The following GMPR2 variants were observed in gnomAD, a reference collection of about 807,000 sequenced individuals.
GMPR2 encodes guanosine monophosphate reductase 2.
Under a neutral mutation model 38.5 loss-of-function variants are expected in GMPR2, and 32 were observed. The observed-to-expected ratio is 0.83, with a 90% CI of 0.63 to 1.12. GMPR2 has a LOEUF of 1.12. Ranked by LOEUF, GMPR2 falls within the 50% of genes most tolerant of loss-of-function variation. The probability of loss-of-function intolerance (pLI) is 0.00; values close to 1 mark genes in which losing one functional copy is unlikely to be tolerated. For synonymous variants in GMPR2, 154 were observed against 151.0 expected, an observed-to-expected ratio of 1.02 and a Z score of -0.15; for missense variants, 396 against 432.1, an observed-to-expected ratio of 0.92 and a Z score of 0.74.
At chr14:24,235,713 G>A (rs1178739741) in intron 3 of GMPR2, 24 bp from the exon 4 acceptor site, 1 of 1,520,244 alleles carries the variant, frequency 6.6e-7, no homozygotes. Context: ...TCTCCCTTTT[G>A]ATGCTTCTTT....
In GMPR2 at chr14:24,237,282, G is replaced by C. The variant is rs756023713; in HGVS notation, c.585G>C (p.Gly195=). 3.1e-6 allele frequency: 5 copies of C among 1,611,962 alleles called. No individual in the cohort carries two copies. The highest frequency in any genetic ancestry group is 4.2e-6 in the Non-Finnish European group (5 of 1,178,040). ...CTACTCGGAAGAAAACTGGAGTGGG[G>C]TATCCACAGCTCAGCGCAGTGATGG... ...VCTTRKKTGV[G]YPQLSAVMEC... Residue 195 remains glycine (G), a synonymous_variant, in exon 7 of 10, where the codon GGG becomes GGC. Transcript: ENST00000399440.
rs941973806 is a variant in GMPR2 at position 24,233,234 on chromosome 14, C to G, written c.-20C>G. On this transcript the variant is annotated 5_prime_UTR_variant, in exon 2 of 10. Coordinates refer to ENST00000399440, the MANE Select transcript of GMPR2 (RefSeq NM_001002002.3). The stretch of plus-strand genomic sequence containing the variant: ...TGCCTTCCAGCCCTCAGATTCATCG[C>G]TACCCCGAGGCTAAGCGCCATGCCT... The G allele has an allele frequency of 1.9e-6, 3 of 1,613,932 alleles. No homozygotes were observed. The highest frequency in any genetic ancestry group is 1.7e-5 in the Admixed American group (1 of 60,024).
chr14:24,233,074 C>T (rs958305328), intron 1 of GMPR2, 97 bp downstream of exon 1: 72 of 978,928 alleles, frequency 7.4e-5, no homozygotes, highest in Non-Finnish European at 7.6e-5. Context: ...ATCGCAGCCA[C>T]GGGATGGGTC....
chr14:24,234,337 T>A, intron 3 of GMPR2: 1 of 732,746 alleles, frequency 1.4e-6, no homozygotes, highest in Non-Finnish European at 1.9e-6. Flanking sequence ...TGTGGCTCCA[T>A]TAGTCTTAAG....
In GMPR2 at chr14:24,237,133, C is replaced by T; in HGVS notation, c.528C>T (p.Ile176=). 1.2e-6 allele frequency: 2 copies of T among 1,611,022 alleles called. No homozygotes were observed. The highest frequency in any genetic ancestry group is 1.7e-6 in the Non-Finnish European group (2 of 1,177,096). ...TCATCCTTTCTGGGGCTGACATCAT[C>T]AAAGTGGGAATTGGGCCAGGTAAGC... is the stretch of plus-strand genomic sequence containing the variant. The part of the protein sequence containing the change: ...EELILSGADI[I]KVGIGPGSVC... The change falls in exon 6 of 10, where the codon ATC becomes ATT. Residue 176 remains isoleucine, a synonymous_variant. Coordinates refer to ENST00000399440, the MANE Select transcript of GMPR2 (RefSeq NM_001002002.3).
Position 24,237,352 on chromosome 14 carries a change from G to A in GMPR2, c.654+1G>A. The A allele has an allele frequency of 1.3e-6, 2 of 1,588,388 alleles. No homozygotes were observed. Among genetic ancestry groups the A allele is most frequent in the Non-Finnish European group, 1.7e-6 (2 of 1,156,620 alleles). ...TGGCCTCAAAGGCCACATCATTTCA[G>A]TAAGGCTCAAGGGCAGGGTAGGGTA... On this transcript the variant is annotated splice_donor_variant, in intron 7 of 9. Coordinates refer to ENST00000399440, the MANE Select transcript of GMPR2 (RefSeq NM_001002002.3). LOFTEE classifies it high-confidence loss of function.
chr14:24,238,266 A>C lies in GMPR2; in HGVS notation c.718A>C (p.Met240Leu), dbSNP rs746074092. ...GGCAGGGGCAGGAGCTGACTTCGTG[A>C]TGCTGGGTGGCATGCTGGCTGGGCA... ...KAFGAGADFV[M>L]LGGMLAGHSE... The change falls in exon 9 of 10, where the codon ATG becomes CTG. Residue 240 changes from methionine to leucine, a missense_variant. Transcript: ENST00000399440. The C allele has an allele frequency of 6.2e-7, 1 of 1,612,792 alleles. No homozygotes were observed. The highest frequency in any genetic ancestry group is 1.1e-5 in the South Asian group (1 of 90,952).
intron 9 of GMPR2, 42 bp from the exon 10 acceptor site, chr14:24,238,547 G>A: frequency 6.2e-7 from 1 of 1,614,052 alleles, no homozygotes; most frequent in South Asian, 1.1e-5. Context: ...TGGGCTTAAG[G>A]AATCCAGAAG....
At chr14:24,237,001 C>T in intron 5 of GMPR2, 70 bp from the exon 6 acceptor site, 5 of 1,110,458 alleles carry the variant, frequency 4.5e-6, no homozygotes, top group Non-Finnish European at 6.8e-6. Flanking sequence ...ATGGTCCATG[C>T]ATACCGTAAC....
intron 3 of GMPR2, among the ~76,000 whole-genome samples, chr14:24,234,700 A>G (rs547888409): frequency 1.7e-4 from 26 of 152,248 alleles, no homozygotes; most frequent in Non-Finnish European, 3.5e-4. Context: ...GATGCAAGCA[A>G]ACATCTTTTT....
rs765582848 is a variant in GMPR2 at position 24,233,559 on chromosome 14, T to C, written c.168T>C (p.Asp56=). 8.7e-6 allele frequency: 14 copies of C among 1,614,004 alleles called. No individual in the cohort carries two copies. In the East Asian group the frequency reaches 3.1e-4, roughly 36 times the overall value. ...SGVPIIAANM[D]TVGTFEMAKV... ...TTCCCATCATTGCTGCCAATATGGA[T>C]ACTGTGGGCACCTTTGAGATGGCCA... Residue 56 remains aspartate (D), a synonymous_variant, in exon 3 of 10, where the codon GAT becomes GAC. Coordinates refer to ENST00000399440, the MANE Select transcript of GMPR2 (RefSeq NM_001002002.3).
Position 24,238,638 on chromosome 14 carries a change from C to T in GMPR2, c.907C>T (p.His303Tyr). The change falls in exon 10 of 10, where the codon CAT becomes TAT. Residue 303 changes from histidine to tyrosine, a missense_variant. Transcript: ENST00000399440. The stretch of plus-strand genomic sequence containing the variant: ...AGTTCCTTTTAAAGGAGATGTGGAA[C>T]ATACCATCCGAGACATCCTAGGAGG... ...VEVPFKGDVE[H>Y]TIRDILGGIR... 6.2e-7 allele frequency: 1 copy of T among 1,614,136 alleles called. No homozygotes were observed. Among genetic ancestry groups the T allele is most frequent in the African/African-American group, 1.3e-5 (1 of 75,032 alleles).
At chr14:24,233,117 C>T in intron 1 of GMPR2, 102 bp from the exon 2 acceptor site, 2 of 1,529,366 alleles carry the variant, frequency 1.3e-6, no homozygotes, top group Non-Finnish European at 1.8e-6. Context: ...ACACTTCGGC[C>T]TTTGCCCGAC....
chr14:24,235,595 A>G, intron 3 of GMPR2, 142 bp from the exon 4 acceptor site: 1 of 679,366 alleles, frequency 1.5e-6, no homozygotes, highest in South Asian at 1.7e-5. Context: ...GTTGAACTCA[A>G]ATCCCAGCTC....
chr14:24,233,193 G>A, intron 1 of GMPR2, 26 bp from the exon 2 acceptor site: 1 of 1,612,728 alleles, frequency 6.2e-7, no homozygotes. Context: ...GGGGAAGATT[G>A]GTCCTTATGA....
intron 8 of GMPR2, 161 bp downstream of exon 8, chr14:24,237,723 A>C: frequency 1.5e-6 from 1 of 679,816 alleles, no homozygotes. Context: ...GGCAGCCAGC[A>C]GGGGACATCT....
intron 1 of GMPR2, 21 bp downstream of exon 1, chr14:24,232,998 GTC>G (rs2040122772): frequency 1.7e-6 from 1 of 598,582 alleles, no homozygotes. Flanking sequence ...CACCGTCAGG[GTC>G]TCTCACAACC....
chr14:24,236,873 T>G, intron 5 of GMPR2, 198 bp from the exon 6 acceptor site: 2 of 535,426 alleles, frequency 3.7e-6, no homozygotes, highest in Non-Finnish European at 6.7e-6. Context: ...CTACCTTGGC[T>G]TGGTGTTGGG....
chr14:24,233,116 C>A, intron 1 of GMPR2, 103 bp from the exon 2 acceptor site: 1 of 1,500,100 alleles, frequency 6.7e-7, no homozygotes, highest in Non-Finnish European at 9.2e-7. Context: ...CACACTTCGG[C>A]CTTTGCCCGA....
Sources: allele counts gnomAD v4.1 joint callset (sites outside exome capture counted in the v4.1 genomes callset), GRCh38; gene constraint gnomAD v4.1.1; transcripts MANE v1.5; gene names NCBI Gene and HGNC (gene_info 2026-07-23, HGNC 2026-07-21).